RNLS: variants seen among roughly 807,000 people sequenced by gnomAD.
RNLS encodes the protein renalase.
In RNLS, 39 loss-of-function variants were observed where a neutral mutation model predicts 39.8. The observed-to-expected ratio is 0.98, with a 90% CI of 0.76 to 1.28. The LOEUF (loss-of-function observed/expected upper bound fraction) is 1.28, where lower values mean the gene tolerates loss of function less well. Ranked by LOEUF, RNLS falls within the 50% of genes most tolerant of loss-of-function variation. RNLS has a pLI of 0.00. For missense variants in RNLS, 410 were observed against 413.3 expected, an observed-to-expected ratio of 0.99 and a Z score of 0.07; for synonymous variants, 147 against 150.7, an observed-to-expected ratio of 0.98 and a Z score of 0.18.
At chr10:88,180,723 A>G in the RNLS span, among the ~76,000 whole-genome samples, 10 of 152,344 alleles carry the variant, frequency 6.6e-5, no homozygotes, top group African/African-American at 2.4e-4. Context: ...ACCTAGATAG[A>G]TATACAAGTA....
chr10:88,416,282 T>C (rs963227026), intron 4 of RNLS, among the ~76,000 whole-genome samples: 1 of 151,714 alleles, frequency 6.6e-6, no homozygotes, highest in African/African-American at 2.4e-5. Flanking sequence ...AGATGGAGTT[T>C]CGCTCTTGTT....
chr10:88,539,188 G>C (rs956002813), intron 4 of RNLS, among the ~76,000 whole-genome samples: 12 of 152,042 alleles, frequency 7.9e-5, no homozygotes, highest in Non-Finnish European at 1.3e-4. Flanking sequence ...GCATAACTAG[G>C]CAAGTCTACA....
In RNLS at chr10:88,377,598, T is replaced by C. The variant is rs1429422930; in HGVS notation, c.527-14873A>G. On this transcript the variant is annotated intron_variant, in intron 4 of 6. Transcript: ENST00000331772. The stretch of plus-strand genomic sequence containing the variant: ...TGTTACGTATTTGTGTATCTACACA[T>C]AGAAAAGGTACAATAAAAATACAGT... Among the ~76,000 whole-genome samples the C allele has an allele frequency of 2.6e-5, 4 of 152,152 alleles. No homozygotes were observed. The South Asian group carries it at 6.2e-4, about 24-fold the overall frequency.
the RNLS span, among the ~76,000 whole-genome samples, chr10:88,200,592 A>G: frequency 1.3e-5 from 2 of 152,194 alleles, no homozygotes; most frequent in African/African-American, 4.8e-5. Context: ...AAATCGTGCC[A>G]TTCCATTTAT....
At chr10:88,423,476 A>T (rs1854531502) in intron 4 of RNLS, among the ~76,000 whole-genome samples, 2 of 152,242 alleles carry the variant, frequency 1.3e-5, no homozygotes, top group East Asian at 1.9e-4. Context: ...TATTCACCAC[A>T]TCTGAAGGAA....
intron 4 of RNLS, among the ~76,000 whole-genome samples, chr10:88,489,322 C>T (rs998197253): frequency 2.6e-5 from 4 of 152,112 alleles, no homozygotes; most frequent in Non-Finnish European, 5.9e-5. Flanking sequence ...GAGAGGACTG[C>T]TTTTGTCTGT....
intron 5 of RNLS, among the ~76,000 whole-genome samples, chr10:88,350,125 C>T (rs1848579668): frequency 6.6e-6 from 1 of 151,770 alleles, no homozygotes; most frequent in Admixed American, 6.6e-5. Context: ...TTCCCTTCTT[C>T]TCAGTCTTCC....
At chr10:88,474,502 T>A (rs568661364) in intron 4 of RNLS, among the ~76,000 whole-genome samples, 2 of 152,168 alleles carry the variant, frequency 1.3e-5, no homozygotes, top group Non-Finnish European at 2.9e-5. Flanking sequence ...GCAAATGCCC[T>A]GTAGGAAGGC....
At chr10:88,203,493 T>TATATATATATATATA in the RNLS span, among the ~76,000 whole-genome samples, 1 of 138,232 alleles carries the variant, frequency 7.2e-6, no homozygotes, top group African/African-American at 2.7e-5. Context: ...TATATATATA[T>TATATATATATATATA]TTCAAGAGAG....
the RNLS span, among the ~76,000 whole-genome samples, chr10:88,250,754 C>G: frequency 6.6e-6 from 1 of 152,232 alleles, no homozygotes; most frequent in African/African-American, 2.4e-5. Flanking sequence ...TTCATGTCCT[C>G]TGATTTAGAA....
intron 4 of RNLS, among the ~76,000 whole-genome samples, chr10:88,561,735 AAAT>A (rs1455705847): frequency 1.3e-5 from 2 of 152,178 alleles, no homozygotes; most frequent in Non-Finnish European, 2.9e-5. Context: ...ATGGCAAATG[AAAT>A]AATAAACAAA....
intron 4 of RNLS, among the ~76,000 whole-genome samples, chr10:88,560,963 CACACACACACAT>C: frequency 6.6e-6 from 1 of 152,006 alleles, no homozygotes; most frequent in South Asian, 2.1e-4. Context: ...CACACACACA[CACACACACACAT>C]ACACACACAG....
the RNLS span, among the ~76,000 whole-genome samples, chr10:88,178,237 A>G: frequency 1.8e-4 from 28 of 152,100 alleles, no homozygotes; most frequent in Admixed American, 8.5e-4. Flanking sequence ...GATGTCAGTG[A>G]GTCCCAGGGA....
At chr10:88,378,084 C>T (rs892419331) in intron 4 of RNLS, among the ~76,000 whole-genome samples, 3 of 151,972 alleles carry the variant, frequency 2.0e-5, no homozygotes, top group Non-Finnish European at 4.4e-5. Context: ...TCCACCTCCC[C>T]GTACTGTCCC....
At chr10:88,450,686 T>G (rs1246070666) in intron 4 of RNLS, among the ~76,000 whole-genome samples, 1 of 152,162 alleles carries the variant, frequency 6.6e-6, no homozygotes, top group Non-Finnish European at 1.5e-5. Context: ...AAGAAAAGGA[T>G]GGAAGGGAGT....
At chr10:88,393,098 A>G (rs748722544) in intron 4 of RNLS, among the ~76,000 whole-genome samples, 98 of 152,352 alleles carry the variant, frequency 6.4e-4, no homozygotes, top group Non-Finnish European at 1.3e-3. Flanking sequence ...CTGAATGGGC[A>G]AAAACTGGAA....
At chr10:88,442,513 T>G (rs948034605) in intron 4 of RNLS, among the ~76,000 whole-genome samples, 1 of 152,212 alleles carries the variant, frequency 6.6e-6, no homozygotes, top group African/African-American at 2.4e-5. Context: ...TCTCTCCTTA[T>G]GCCAGAGCCC....
At chr10:88,424,621 C>T (rs565047460) in intron 4 of RNLS, among the ~76,000 whole-genome samples, 3 of 152,210 alleles carry the variant, frequency 2.0e-5, no homozygotes, top group Admixed American at 1.3e-4. Flanking sequence ...ACTTGATTCT[C>T]CTTTATGGAT....
In RNLS at chr10:88,568,368, A is replaced by AT. The variant is rs1188499448; in HGVS notation, c.526+4534dup. Among the ~76,000 whole-genome samples, 3 of 152,084 alleles carry AT rather than the reference A, an allele frequency of 2.0e-5. No individual in the cohort carries two copies. The East Asian group carries it at 5.8e-4, about 29-fold the overall frequency. On this transcript the variant is annotated intron_variant, in intron 4 of 6. Coordinates refer to ENST00000331772, the MANE Select transcript of RNLS (RefSeq NM_001031709.3). ...GGGGACAGAATTTCTTTTTGAGGTG[A>AT]TAAAAAATTCCAAAATTTACTAATT...
Sources: allele counts gnomAD v4.1 joint callset (sites outside exome capture counted in the v4.1 genomes callset), GRCh38; gene constraint gnomAD v4.1.1; transcripts MANE v1.5; gene names NCBI Gene and HGNC (gene_info 2026-07-23, HGNC 2026-07-21).